The following ARHGAP18 variants were observed in gnomAD, a reference collection of about 807,000 sequenced individuals.
ARHGAP18 encodes the protein Rho GTPase activating protein 18, also known as rho GTPase-activating protein 18.
ARHGAP18 carries 67 observed loss-of-function variants against 86.2 expected under a neutral mutation model. The observed-to-expected ratio is 0.78, with a 90% confidence interval of 0.64 to 0.95. The LOEUF (loss-of-function observed/expected upper bound fraction) is 0.95. Among genes scored for constraint, ARHGAP18 ranks in the 40% least tolerant of loss-of-function variants. The probability of loss-of-function intolerance (pLI) is 0.00; values close to 1 mark genes in which losing one functional copy is unlikely to be tolerated. For synonymous variants in ARHGAP18, 283 were observed against 280.4 expected (o/e 1.01, Z -0.09); for missense variants, 691 against 780.4 (o/e 0.89, Z 1.37).
chr6:129,680,484 A>G (rs1434170807), intron 1 of ARHGAP18, among the ~76,000 whole-genome samples: 3 of 152,218 alleles, frequency 2.0e-5, no homozygotes, highest in African/African-American at 7.2e-5. Flanking sequence ...CTCCTCAATA[A>G]TAACCTCAAA....
intron 1 of ARHGAP18, among the ~76,000 whole-genome samples, chr6:129,653,468 T>C (rs1375178136): frequency 6.6e-6 from 1 of 152,242 alleles, no homozygotes; most frequent in Non-Finnish European, 1.5e-5. Flanking sequence ...TGTTTTTATA[T>C]GCAAGGTACT....
chr6:129,680,066 T>A (rs758645519), intron 1 of ARHGAP18, among the ~76,000 whole-genome samples: 36 of 152,198 alleles, frequency 2.4e-4, no homozygotes, highest in Non-Finnish European at 4.4e-4. Context: ...TGTAATTGCA[T>A]TTAGGACCCA....
chr6:129,693,394 C>T (rs750698916), intron 1 of ARHGAP18, among the ~76,000 whole-genome samples: 2 of 152,150 alleles, frequency 1.3e-5, no homozygotes, highest in Admixed American at 6.5e-5. Context: ...ATGCTGGTTC[C>T]GGAAGACTTT....
chr6:129,642,612 C>T (rs1773492464), intron 1 of ARHGAP18, among the ~76,000 whole-genome samples: 1 of 152,040 alleles, frequency 6.6e-6, no homozygotes, highest in Admixed American at 6.6e-5. Context: ...CTCATTTAAA[C>T]CTGAAACTTT....
At chr6:129,637,364 T>C (rs1773355733) in intron 3 of ARHGAP18, among the ~76,000 whole-genome samples, 1 of 152,200 alleles carries the variant, frequency 6.6e-6, no homozygotes, top group Non-Finnish European at 1.5e-5. Flanking sequence ...ACTTTTATCA[T>C]GCCTTCTCTG....
intron 1 of ARHGAP18, among the ~76,000 whole-genome samples, chr6:129,705,015 T>TAA (rs1187562651): frequency 6.6e-6 from 1 of 152,192 alleles, no homozygotes; most frequent in Admixed American, 6.5e-5. Context: ...CTATCTGCCT[T>TAA]AAAAACTCTT....
chr6:129,610,236 C>G (rs35101259), intron 8 of ARHGAP18, among the ~76,000 whole-genome samples: 16,307 of 152,222 alleles, frequency 0.11, 1,100 homozygotes, highest in Middle Eastern at 0.18. Flanking sequence ...GTATGAGTCC[C>G]CTTTACATTT....
At chr6:129,617,889 C>G (rs542025554) in intron 6 of ARHGAP18, among the ~76,000 whole-genome samples, 2 of 152,248 alleles carry the variant, frequency 1.3e-5, no homozygotes, top group Non-Finnish European at 2.9e-5. Context: ...GTTACCACAG[C>G]AATTCAATAA....
intron 1 of ARHGAP18, among the ~76,000 whole-genome samples, chr6:129,694,677 TGACAGTGG>T (rs1774584050): frequency 6.6e-6 from 1 of 152,240 alleles, no homozygotes. Flanking sequence ...TTCTAGGCAG[TGACAGTGG>T]CATATATCCT....
chr6:129,616,289 A>T lies in ARHGAP18; in HGVS notation c.967T>A (p.Cys323Ser). 1 of 1,608,808 alleles carries T rather than the reference A, an allele frequency of 6.2e-7. No individual in the cohort carries two copies. The highest frequency in any genetic ancestry group is 8.5e-7 in the Non-Finnish European group (1 of 1,177,454). The change falls in exon 7 of 15, where the codon TGC (cysteine) becomes AGC (serine). Residue 323 changes from cysteine (C) to serine (S), a missense_variant. Coordinates refer to ENST00000368149, the MANE Select transcript of ARHGAP18 (RefSeq NM_033515.3). ...KIKTKDSGLF[C>S]VPLTALLEQD... ...TCTAATAGCGCTGTCAATGGAACGCAAAAAAGACCAGAATCTGCAAGAAAA... is the reference window on the plus strand; with the variant it reads ...TCTAATAGCGCTGTCAATGGAACGCTAAAAAGACCAGAATCTGCAAGAAAA...
Position 129,669,127 on chromosome 6 carries a change from TGTGG to T in ARHGAP18, c.114-27113_114-27110del, listed in dbSNP as rs1221129320. ...AACAGAGCCAGGCACTACTCTCCTC[TGTGG>T]TCTCCGTACTCCAACTGCTGTGCTT... On this transcript the variant is annotated intron_variant, in intron 1 of 14. Coordinates refer to ENST00000368149, the MANE Select transcript of ARHGAP18 (RefSeq NM_033515.3). Among the ~76,000 whole-genome samples, 3 of 151,770 alleles carry T rather than the reference TGTGG, an allele frequency of 2.0e-5. No homozygotes were observed. The East Asian group carries it at 5.9e-4, about 30-fold the overall frequency.
In ARHGAP18 at chr6:129,578,493, T is replaced by C; in HGVS notation, c.*20A>G. ...ATTATGACAGAAGTCCACATGGTTATCTGCAGCTTGTTAAGTCTTCTACAA... is the reference window on the plus strand; with the variant it reads ...ATTATGACAGAAGTCCACATGGTTACCTGCAGCTTGTTAAGTCTTCTACAA... On this transcript the variant is annotated 3_prime_UTR_variant, in exon 15 of 15. Coordinates refer to ENST00000368149, the MANE Select transcript of ARHGAP18 (RefSeq NM_033515.3). 6.3e-7 allele frequency: 1 copy of C among 1,594,828 alleles called. No homozygotes were observed. Among genetic ancestry groups the C allele is most frequent in the Non-Finnish European group, 8.6e-7 (1 of 1,164,680 alleles).
At chr6:129,627,786 G>A (rs938293491) in intron 5 of ARHGAP18, among the ~76,000 whole-genome samples, 1 of 152,072 alleles carries the variant, frequency 6.6e-6, no homozygotes, top group Non-Finnish European at 1.5e-5. Flanking sequence ...GACTCAAACT[G>A]TATAAAAAGA....
intron 1 of ARHGAP18, among the ~76,000 whole-genome samples, chr6:129,692,140 A>C (rs907536200): frequency 1.3e-5 from 2 of 152,174 alleles, no homozygotes; most frequent in African/African-American, 4.8e-5. Flanking sequence ...TCTTTCTTTG[A>C]ATGACAACCT....
chr6:129,669,240 C>T (rs1482999732), intron 1 of ARHGAP18, among the ~76,000 whole-genome samples: 1 of 151,926 alleles, frequency 6.6e-6, no homozygotes, highest in Non-Finnish European at 1.5e-5. Context: ...GGCGAGGTCA[C>T]GGCTCACTGC....
intron 1 of ARHGAP18, chr6:129,661,971 G>A (rs1357207193): frequency 1.8e-5 from 17 of 935,780 alleles, no homozygotes; most frequent in Non-Finnish European, 2.0e-5. Context: ...ACCTGGTGTT[G>A]CCACACACAC....
At chr6:129,602,345 C>G (rs900361082) in intron 10 of ARHGAP18, among the ~76,000 whole-genome samples, 5 of 152,130 alleles carry the variant, frequency 3.3e-5, no homozygotes, top group African/African-American at 1.2e-4. Flanking sequence ...AATTTAATTA[C>G]AGGTCTATCT....
intron 1 of ARHGAP18, among the ~76,000 whole-genome samples, chr6:129,701,405 T>C (rs898118316): frequency 6.6e-6 from 1 of 152,208 alleles, no homozygotes; most frequent in Non-Finnish European, 1.5e-5. Flanking sequence ...ACAAGCCAGA[T>C]CATAAGCTGC....
chr6:129,676,385 T>C (rs1027548872), intron 1 of ARHGAP18, among the ~76,000 whole-genome samples: 4 of 152,140 alleles, frequency 2.6e-5, no homozygotes, highest in African/African-American at 9.7e-5. Flanking sequence ...AGGGTCAGTC[T>C]ATTCAAGGGG....
Sources: gnomAD v4.1 joint callset for allele counts (sites outside exome capture counted in the v4.1 genomes callset) on GRCh38, gnomAD v4.1.1 for gene constraint, MANE v1.5 for transcripts, NCBI Gene and HGNC (gene_info 2026-07-23, HGNC 2026-07-21) for gene names.